GON4L: variants seen among roughly 807,000 people sequenced by gnomAD.
The protein encoded by GON4L is GON-4-like protein.
GON4L carries 87 observed loss-of-function variants against 211.8 expected under a neutral mutation model. That is an observed-to-expected ratio of 0.41 (90% CI 0.35 to 0.49). The LOEUF (loss-of-function observed/expected upper bound fraction) is 0.49, where lower values mean the gene tolerates loss of function less well. Among genes scored for constraint, GON4L ranks in the 20% least tolerant of loss-of-function variants. The pLI, the probability that GON4L is intolerant of heterozygous loss-of-function variation, is 0.15. For synonymous variants in GON4L, 875 were observed against 962.6 expected (o/e 0.91, Z 1.68); for missense variants, 2,155 against 2,659.5 (o/e 0.81, Z 4.17).
chr1:155,773,337 C>T (rs1357579026), intron 17 of GON4L, 127 bp from the exon 18 acceptor site: 4 of 998,604 alleles, frequency 4.0e-6, no homozygotes, highest in Non-Finnish European at 6.0e-6. Flanking sequence ...TCCCATCTGC[C>T]CACCATCCCC....
intron 2 of GON4L, among the ~76,000 whole-genome samples, chr1:155,840,508 T>C (rs964421079): frequency 2.0e-5 from 3 of 152,172 alleles, no homozygotes; most frequent in African/African-American, 4.8e-5. Context: ...AAGGTTGTGA[T>C]ATATTTTTAC....
At chr1:155,808,780 T>C (rs760128640) in intron 10 of GON4L, among the ~76,000 whole-genome samples, 1 of 152,020 alleles carries the variant, frequency 6.6e-6, no homozygotes, top group Admixed American at 6.6e-5. Context: ...AGCTAAGTTT[T>C]GTGTTTTTTT....
rs1244877926 is a variant in GON4L, at chr1:155,804,929, A to C, written c.1645+20T>G. The C allele has an allele frequency of 3.1e-6, 5 of 1,592,398 alleles. No homozygotes were observed. The highest frequency in any genetic ancestry group is 2.6e-6 in the Non-Finnish European group (3 of 1,160,378). ...CAGATAATGGACAGTATACATAATA[A>C]ATCACAAACCAAAACTTACCTTCAT... On this transcript the variant is annotated intron_variant, in intron 11 of 31. Transcript: ENST00000368331.
chr1:155,745,771 C>T (rs1660233471), downstream of GON4L: 15 of 857,882 alleles, frequency 1.7e-5, no homozygotes, highest in Admixed American at 3.5e-4. Context: ...CCAAGCCAAT[C>T]GGCTAGGAGC....
rs763105456 is a variant in GON4L, at chr1:155,752,160, C to A, written c.6273G>T (p.Thr2091=). ...SRARVKTRDR[T]CPVHESPSGI... ...CTGATGGAGATTCATGGACAGGGCA[C>A]GTCCTGTCTCTTGTCTTCACCCGAG... The change falls in exon 30 of 32, where the codon ACG becomes ACT. Residue 2091 remains threonine, a synonymous_variant. Coordinates refer to ENST00000368331, the MANE Select transcript of GON4L (RefSeq NM_001282860.2). The A allele has an allele frequency of 1.2e-6, 2 of 1,612,594 alleles. No individual in the cohort carries two copies. Among genetic ancestry groups the A allele is most frequent in the Non-Finnish European group, 1.7e-6 (2 of 1,178,696 alleles).
chr1:155,838,500 C>A (rs1381673217), intron 2 of GON4L, among the ~76,000 whole-genome samples: 1 of 152,120 alleles, frequency 6.6e-6, no homozygotes, highest in Non-Finnish European at 1.5e-5. Context: ...TCCAGCTAGG[C>A]ACAGGGGCTC....
At chr1:155,801,720 T>C (rs969087084) in intron 11 of GON4L, among the ~76,000 whole-genome samples, 18 of 151,910 alleles carry the variant, frequency 1.2e-4, no homozygotes, top group African/African-American at 4.1e-4. Flanking sequence ...CTGTCTCTAC[T>C]AAAAATACAA....
At chr1:155,801,681 G>A (rs1013413586) in intron 11 of GON4L, among the ~76,000 whole-genome samples, 4 of 151,930 alleles carry the variant, frequency 2.6e-5, no homozygotes, top group East Asian at 1.9e-4. Context: ...TCAGGAGTTT[G>A]AGACCAGTCT....
intron 18 of GON4L, among the ~76,000 whole-genome samples, chr1:155,771,806 G>A (rs917939062): frequency 6.6e-6 from 1 of 152,070 alleles, no homozygotes; most frequent in African/African-American, 2.4e-5. Context: ...TCTAATTCTT[G>A]TACAAGTTGG....
At chr1:155,831,118 G>A (rs1395938310) in intron 2 of GON4L, among the ~76,000 whole-genome samples, 1 of 152,164 alleles carries the variant, frequency 6.6e-6, no homozygotes, top group African/African-American at 2.4e-5. Flanking sequence ...GGTTAATGTG[G>A]TGAAACGCTA....
At chr1:155,767,773 A>T (rs936137559) in intron 19 of GON4L, among the ~76,000 whole-genome samples, 2 of 152,228 alleles carry the variant, frequency 1.3e-5, no homozygotes, top group Non-Finnish European at 2.9e-5. Flanking sequence ...CAATTATTCA[A>T]TATTTTCTAA....
At chr1:155,780,243 G>A (rs1664285544) in intron 14 of GON4L, among the ~76,000 whole-genome samples, 1 of 152,118 alleles carries the variant, frequency 6.6e-6, no homozygotes, top group South Asian at 2.1e-4. Context: ...CATGCTAGAA[G>A]ATTTTTGACT....
At chr1:155,779,854 G>A (rs926791476) in intron 14 of GON4L, among the ~76,000 whole-genome samples, 1 of 151,936 alleles carries the variant, frequency 6.6e-6, no homozygotes, top group Non-Finnish European at 1.5e-5. Flanking sequence ...CTGGACTGCA[G>A]TGGCATGATC....
chr1:155,819,545 C>G (rs993060581), intron 6 of GON4L, among the ~76,000 whole-genome samples: 3 of 151,372 alleles, frequency 2.0e-5, no homozygotes, highest in Non-Finnish European at 4.4e-5. Flanking sequence ...CATGAGCCAC[C>G]AAGCCCAGCC....
chr1:155,765,477 A>C lies in GON4L; in HGVS notation c.3996T>G (p.Ala1332=), dbSNP rs1480158859. ...CAGGGGATCCACTGATTTCCTCTCT[A>C]GCTTCTTCAGGTTCCATCTTGACAA... ...EEIVKMEPEE[A]REEISGSPER... Residue 1332 remains alanine (A), a synonymous_variant, in exon 21 of 32, where the codon GCT becomes GCG. Coordinates refer to ENST00000368331, the MANE Select transcript of GON4L (RefSeq NM_001282860.2). 6.2e-7 allele frequency: 1 copy of C among 1,614,006 alleles called. No homozygotes were observed. The highest frequency in any genetic ancestry group is 1.3e-5 in the African/African-American group (1 of 74,898).
At chr1:155,767,323 T>A (rs1337150201) in intron 20 of GON4L, 102 bp downstream of exon 20, 1 of 1,612,308 alleles carries the variant, frequency 6.2e-7, no homozygotes, top group African/African-American at 1.3e-5. Context: ...AAAGTCCTAG[T>A]TCTACAACTA....
At chr1:155,806,130 G>A (rs1284176245) in intron 10 of GON4L, among the ~76,000 whole-genome samples, 1 of 151,416 alleles carries the variant, frequency 6.6e-6, no homozygotes, top group Non-Finnish European at 1.5e-5. Flanking sequence ...TGGGACTATC[G>A]GCATGCTCTA....
chr1:155,747,885 T>C (rs776803793), downstream of GON4L: 1 of 1,576,810 alleles, frequency 6.3e-7, no homozygotes, highest in East Asian at 2.2e-5. Context: ...ACCTGGTCCC[T>C]ACCATCGTGG....
chr1:155,804,613 G>A (rs1404498032), intron 11 of GON4L, among the ~76,000 whole-genome samples: 3 of 151,620 alleles, frequency 2.0e-5, no homozygotes, highest in Non-Finnish European at 2.9e-5. Context: ...GTGACATCTC[G>A]TTTCTACAAA....
Sources: allele counts gnomAD v4.1 joint callset (sites outside exome capture counted in the v4.1 genomes callset), GRCh38; gene constraint gnomAD v4.1.1; transcripts MANE v1.5; gene names NCBI Gene and HGNC (gene_info 2026-07-23, HGNC 2026-07-21).